Variants in AHNAK observed in about 807,000 individuals in gnomAD.
The protein encoded by AHNAK is neuroblast differentiation-associated protein AHNAK.
Under a neutral mutation model 37.8 loss-of-function variants are expected in AHNAK, and 23 were observed. The ratio of observed to expected loss-of-function variants is 0.61; its 90% confidence interval spans 0.44 to 0.86. The LOEUF (loss-of-function observed/expected upper bound fraction) is 0.86, where lower values mean the gene tolerates loss of function less well. Among genes scored for constraint, AHNAK ranks in the 40% least tolerant of loss-of-function variants. AHNAK has a pLI of 0.00. For synonymous variants in AHNAK, 2,481 were observed against 2,636.3 expected (o/e 0.94, Z 1.80); for missense variants, 7,411 against 7,319.4 (o/e 1.01, Z -0.46).
At chr11:62,472,008 C>T (rs190698968) in intron 5 of AHNAK, among the ~76,000 whole-genome samples, 2 of 152,206 alleles carry the variant, frequency 1.3e-5, no homozygotes, top group East Asian at 1.9e-4. Context: ...GGTCATCTCC[C>T]CTTGGAGCCA....
At position 62,533,721 on chromosome 11, in the gene AHNAK, T is replaced by G; in HGVS notation, c.696A>C (p.Ser232=). 6.2e-7 allele frequency: 1 copy of G among 1,614,140 alleles called. No individual in the cohort carries two copies. The highest frequency in any genetic ancestry group is 1.1e-5 in the South Asian group (1 of 91,076). The change falls in exon 5 of 5, where the codon TCA becomes TCC. Residue 232 remains serine, a synonymous_variant. Transcript: ENST00000378024. ...GGCCAGCACCTTGGAGCTCTGGTCCTGAAGCAGAAATGGCCCCTGCTCGGA... is the reference window on the plus strand; with the variant it reads ...GGCCAGCACCTTGGAGCTCTGGTCCGGAAGCAGAAATGGCCCCTGCTCGGA... ...VDIRAGAISA[S]GPELQGAGHS...
chr11:62,517,489 G>C lies in AHNAK; in HGVS notation c.16928C>G (p.Ser5643Cys). ...ACTTTCCAAGTGACCTTGAGGCCCA[G>C]ACACACTCAGCCCAGGAGCCTGGAG... ...IGLQAPGLSV[S>C]GPQGHLESGS... The change falls in exon 5 of 5, where the codon TCT (serine) becomes TGT (cysteine). Residue 5643 changes from serine (S) to cysteine (C), a missense_variant. Physicochemically the swap from Ser to Cys is moderately radical, Grantham distance 112. Coordinates refer to ENST00000378024, the MANE Select transcript of AHNAK (RefSeq NM_001620.3). 6.2e-7 allele frequency: 1 copy of C among 1,614,152 alleles called. No individual in the cohort carries two copies.
intron 4 of AHNAK, among the ~76,000 whole-genome samples, chr11:62,504,678 T>C (rs1487512219): frequency 6.6e-6 from 1 of 151,378 alleles, no homozygotes; most frequent in Non-Finnish European, 1.5e-5. Flanking sequence ...AGACCCAAGG[T>C]TGTCAAAAGC....
In AHNAK at chr11:62,523,567, C is replaced by G. The variant is rs200504693; in HGVS notation, c.10850G>C (p.Gly3617Ala). 32 of 1,614,106 alleles carry G rather than the reference C, an allele frequency of 2.0e-5. No homozygotes were observed. In the East Asian group the frequency reaches 6.9e-4, roughly 35 times the overall value. Reference protein sequence around the residue: ...MPKFSMPGFKGEGPEVDVTLP... With the variant: ...MPKFSMPGFKAEGPEVDVTLP... ...GGTAACATCGACTTCAGGGCCTTCT[C>G]CTTTGAAGCCAGGCATGCTGAACTT... Residue 3617 changes from glycine to alanine, a missense_variant, in exon 5 of 5, where the codon GGA becomes GCA. Gly to Ala is a moderately conservative substitution (Grantham distance 60). Coordinates refer to ENST00000378024, the MANE Select transcript of AHNAK (RefSeq NM_001620.3).
intron 4 of AHNAK, 140 bp downstream of exon 4, chr11:62,534,863 C>T: frequency 1.1e-6 from 1 of 891,286 alleles, no homozygotes; most frequent in Non-Finnish European, 1.7e-6. Context: ...GCCAAGGGCT[C>T]AAGAGAGTGA....
rs1272828475 is a variant in AHNAK, at chr11:62,516,652, G to T, written c.*92C>A. On this transcript the variant is annotated 3_prime_UTR_variant, in exon 5 of 5. Transcript: ENST00000378024. ...CTTTGCATGATTGCTGAGGCAGTCG[G>T]TGTGTTTCCCTTTGGAGTTTATATA... 3 of 1,508,154 alleles carry T rather than the reference G, an allele frequency of 2.0e-6. No homozygotes were observed. The East Asian group carries it at 6.8e-5, about 34-fold the overall frequency. The allele number at this position is 1,508,154 out of a possible 1,614,324, so 93.4% of individuals were successfully genotyped here.
rs141284001 is a variant in AHNAK, at chr11:62,440,529, G to A, written c.443-6638C>T. On this transcript the variant is annotated intron_variant, in intron 5 of 5. Coordinates refer to the AHNAK transcript ENST00000257247. ...TGCACGCCAGTGTCCATCCCTGGGA[G>A]CCCGTTTCTGAGCCTCTAGTGGACA... is the stretch of plus-strand genomic sequence containing the variant. Among the ~76,000 whole-genome samples the A allele has an allele frequency of 9.6e-4, 146 of 152,312 alleles. 3 individuals carry two copies. Among genetic ancestry groups the A allele is most frequent in the African/African-American group, 3.3e-3 (138 of 41,566 alleles).
intron 5 of AHNAK, among the ~76,000 whole-genome samples, chr11:62,470,807 G>C (rs1204103019): frequency 6.7e-6 from 1 of 150,222 alleles, no homozygotes; most frequent in Non-Finnish European, 1.5e-5. Flanking sequence ...TTTTCTTTCA[G>C]GGAAAAAAAA....
At chr11:62,509,368 G>A (rs1939867183) in intron 4 of AHNAK, among the ~76,000 whole-genome samples, 1 of 152,112 alleles carries the variant, frequency 6.6e-6, no homozygotes, top group African/African-American at 2.4e-5. Context: ...AGGAGTTCGA[G>A]ACCAGCCCTG....
chr11:62,527,325 G>C lies in AHNAK; in HGVS notation c.7092C>G (p.Gly2364=), dbSNP rs376378198. The change falls in exon 5 of 5, where the codon GGC becomes GGG. Residue 2364 remains glycine, a synonymous_variant. Transcript: ENST00000378024. ...TAGGAGTTTTCCACTTGCCATTTGG[G>C]CCTTCCACAGCTACTTCTGGCATGT... ...DADMPEVAVE[G]PNGKWKTPKF... 5 of 1,613,632 alleles carry C rather than the reference G, an allele frequency of 3.1e-6. No individual in the cohort carries two copies. The African/African-American group carries it at 5.3e-5, about 17-fold the overall frequency.
At chr11:62,462,080 C>T (rs974190471) in intron 5 of AHNAK, among the ~76,000 whole-genome samples, 1 of 152,164 alleles carries the variant, frequency 6.6e-6, no homozygotes, top group Non-Finnish European at 1.5e-5. Flanking sequence ...TTTTAAAACA[C>T]AGCACAAGGC....
Position 62,520,073 on chromosome 11 carries a change from T to G in AHNAK, c.14344A>C (p.Lys4782Gln). The G allele has an allele frequency of 6.2e-7, 1 of 1,612,712 alleles. No homozygotes were observed. Among genetic ancestry groups the G allele is most frequent in the Non-Finnish European group, 8.5e-7 (1 of 1,179,696 alleles). ...HGPDWHLKMP[K>Q]VKMPKFSMPG... is the part of the protein sequence containing the mutation. ...ATGCTGAATTTGGGCATTTTCACCT[T>G]GGGCATCTTCAGGTGCCAGTCTGGG... Residue 4782 changes from lysine to glutamine, a missense_variant, in exon 5 of 5, where the codon AAG (lysine) becomes CAG (glutamine). Lys to Gln is a moderately conservative substitution (Grantham distance 53). Coordinates refer to ENST00000378024, the MANE Select transcript of AHNAK (RefSeq NM_001620.3).
In AHNAK at chr11:62,517,642, C is replaced by T. The variant is rs748718859; in HGVS notation, c.16775G>A (p.Gly5592Asp). 31 of 1,614,164 alleles carry T rather than the reference C, an allele frequency of 1.9e-5. No homozygotes were observed. The South Asian group carries it at 3.3e-4, about 17-fold the overall frequency. Residue 5592 changes from glycine (G) to aspartate (D), a missense_variant, in exon 5 of 5, where the codon GGT becomes GAT. By Grantham distance (94) the Gly-to-Asp change is moderately conservative (BLOSUM62 -1). Transcript: ENST00000378024. The stretch of plus-strand genomic sequence containing the variant: ...GGGTCCCTTCCACTCACCCCCGGAA[C>T]CTTTAACACTCAAATGCCCTTCACC... ...SLGEGHLSVK[G>D]SGGEWKGPQV...
chr11:62,436,294 C>T (rs2134769792), intron 5 of AHNAK, among the ~76,000 whole-genome samples: 1 of 152,276 alleles, frequency 6.6e-6, no homozygotes, highest in South Asian at 2.1e-4. Flanking sequence ...AGAATGGTGT[C>T]TGCAACATCT....
At chr11:62,445,549 A>G (rs887714602) in intron 5 of AHNAK, among the ~76,000 whole-genome samples, 1 of 152,196 alleles carries the variant, frequency 6.6e-6, no homozygotes, top group Non-Finnish European at 1.5e-5. Context: ...AACAGGGGTA[A>G]TGGTGAAGAA....
chr11:62,462,837 G>A (rs3018618), intron 5 of AHNAK, among the ~76,000 whole-genome samples: 21,007 of 152,132 alleles, frequency 0.14, 3,751 homozygotes, highest in African/African-American at 0.42. Flanking sequence ...AGTTTCAGAA[G>A]AGTTGGCTTC....
In AHNAK at chr11:62,526,505, T is replaced by C; in HGVS notation, c.7912A>G (p.Met2638Val). ...GVQGPDWHLK[M>V]PKVKMPKFSM... is the part of the protein sequence containing the mutation. Reference sequence around the variant, plus strand: ...AACTTTGGCATTTTCACCTTGGGCATCTTCAGGTGCCAGTCTGGGCCTTGA... The same window carrying C: ...AACTTTGGCATTTTCACCTTGGGCACCTTCAGGTGCCAGTCTGGGCCTTGA... The change falls in exon 5 of 5, where the codon ATG (methionine) becomes GTG (valine). Residue 2638 changes from methionine to valine, a missense_variant. Met to Val is a conservative substitution (Grantham distance 21). Coordinates refer to ENST00000378024, the MANE Select transcript of AHNAK (RefSeq NM_001620.3). 1 of 1,613,294 alleles carries C rather than the reference T, an allele frequency of 6.2e-7. No individual in the cohort carries two copies. Among genetic ancestry groups the C allele is most frequent in the Non-Finnish European group, 8.5e-7 (1 of 1,179,816 alleles).
chr11:62,527,204 C>T lies in AHNAK; in HGVS notation c.7213G>A (p.Asp2405Asn). ...CCTTCCAATTTGGGAACATCTACAT[C>T]CACCTCTCCTTTTGCCTTGGGGCTC... is the stretch of plus-strand genomic sequence containing the variant. ...LKSPKAKGEV[D>N]VDVPKLEGDL... The change falls in exon 5 of 5, where the codon GAT becomes AAT. Residue 2405 changes from aspartate (D) to asparagine (N), a missense_variant. Asp to Asn is a conservative substitution (Grantham distance 23, BLOSUM62 1). Coordinates refer to ENST00000378024, the MANE Select transcript of AHNAK (RefSeq NM_001620.3). 6.2e-7 allele frequency: 1 copy of T among 1,611,722 alleles called. No homozygotes were observed. The highest frequency in any genetic ancestry group is 1.1e-5 in the South Asian group (1 of 90,516).
chr11:62,515,101 C>T (rs1022898868), downstream of AHNAK, among the ~76,000 whole-genome samples: 1 of 152,166 alleles, frequency 6.6e-6, no homozygotes, highest in Admixed American at 6.5e-5. Flanking sequence ...TAGAACCACT[C>T]CTCCCCCACC....
Sources: gnomAD v4.1 joint callset for allele counts (sites outside exome capture counted in the v4.1 genomes callset) on GRCh38, gnomAD v4.1.1 for gene constraint, MANE v1.5 for transcripts, NCBI Gene and HGNC (gene_info 2026-07-23, HGNC 2026-07-21) for gene names.